The following NDUFA10 variants were observed in gnomAD, a reference collection of about 807,000 sequenced individuals.
NDUFA10 encodes the protein NADH dehydrogenase [ubiquinone] 1 alpha subcomplex subunit 10, mitochondrial.
Under a neutral mutation model 47.8 loss-of-function variants are expected in NDUFA10, and 40 were observed. That is an observed-to-expected ratio of 0.84 (90% CI 0.65 to 1.09). NDUFA10 has a LOEUF of 1.09. Among genes scored for constraint, NDUFA10 ranks in the 50% least tolerant of loss-of-function variants. NDUFA10 has a pLI of 0.00. For missense variants in NDUFA10, 413 were observed against 451.1 expected (o/e 0.92, Z 0.76); for synonymous variants, 183 against 172.2 (o/e 1.06, Z -0.49).
At chr2:239,914,892 C>T (rs1693823271) in intron 4 of NDUFA10, among the ~76,000 whole-genome samples, 1 of 147,668 alleles carries the variant, frequency 6.8e-6, no homozygotes, top group African/African-American at 2.6e-5. Context: ...CAAACATACA[C>T]ACACATACAT....
intron 4 of NDUFA10, among the ~76,000 whole-genome samples, chr2:239,950,440 G>A (rs922843563): frequency 6.6e-6 from 1 of 152,222 alleles, no homozygotes; most frequent in Admixed American, 6.5e-5. Flanking sequence ...CATGACCTTT[G>A]GAAATCTGAG....
chr2:239,944,005 T>C (rs939077037), intron 4 of NDUFA10, among the ~76,000 whole-genome samples: 1 of 152,290 alleles, frequency 6.6e-6, no homozygotes, highest in African/African-American at 2.4e-5. Context: ...GCTCTGCTCC[T>C]TCCTTCCCAT....
chr2:239,898,942 G>A (rs1470630345), intron 4 of NDUFA10, among the ~76,000 whole-genome samples: 1 of 138,906 alleles, frequency 7.2e-6, no homozygotes, highest in Non-Finnish European at 1.6e-5. Context: ...GTGTGACGGA[G>A]GGGTGTGGAG....
rs941186365 is a variant in NDUFA10, at chr2:239,957,573, C to T, written c.*3545G>A. On this transcript the variant is annotated 3_prime_UTR_variant, in exon 10 of 10. Coordinates refer to ENST00000252711, the MANE Select transcript of NDUFA10 (RefSeq NM_004544.4). ...TAAAACTATACATCAATAGTAAAAG[C>T]GAATGAGCAAACTTACTCACATGCT... is the stretch of plus-strand genomic sequence containing the variant. The T allele has an allele frequency of 6.6e-5, 10 of 152,272 alleles. 1 individual carries two copies. Among genetic ancestry groups the T allele is most frequent in the African/African-American group, 2.2e-4 (9 of 41,544 alleles). 9.4% of individuals were successfully genotyped at this position (152,272 alleles called of 1,614,324 possible).
At chr2:239,923,397 TA>T (rs113271048) in intron 4 of NDUFA10, among the ~76,000 whole-genome samples, 132 of 151,940 alleles carry the variant, frequency 8.7e-4, no homozygotes, top group Middle Eastern at 3.4e-3. Context: ...TCCTGGTTCA[TA>T]AAAAAAACTG....
Position 239,961,216 on chromosome 2 carries a change from T to C in NDUFA10, c.1000-30A>G, listed in dbSNP as rs1220016625. On this transcript the variant is annotated intron_variant, in intron 9 of 9. Coordinates refer to ENST00000252711, the MANE Select transcript of NDUFA10 (RefSeq NM_004544.4). ...GGGGGAAAAAGGCATTGGTGCATTC[T>C]GTTTAACGTGAATGAATGTTTCCCC... 2.5e-6 allele frequency: 4 copies of C among 1,613,970 alleles called. No individual in the cohort carries two copies. In the African/African-American group the frequency reaches 5.3e-5, roughly 22 times the overall value.
chr2:239,949,550 G>T (rs1694517968), intron 4 of NDUFA10, among the ~76,000 whole-genome samples: 1 of 152,222 alleles, frequency 6.6e-6, no homozygotes, highest in African/African-American at 2.4e-5. Flanking sequence ...TTAGAGACAA[G>T]GTCTTCTCTG....
At chr2:239,914,419 A>C (rs530328510) in intron 4 of NDUFA10, among the ~76,000 whole-genome samples, 1 of 141,962 alleles carries the variant, frequency 7.0e-6, no homozygotes, top group Non-Finnish European at 1.5e-5. Context: ...ACAAATATAC[A>C]GACACACACA....
intron 1 of NDUFA10, among the ~76,000 whole-genome samples, chr2:240,022,936 T>G (rs1697692928): frequency 6.6e-6 from 1 of 152,090 alleles, no homozygotes; most frequent in Non-Finnish European, 1.5e-5. Context: ...AGAGAGCAAA[T>G]TTGAGTGTCG....
intron 7 of NDUFA10, 107 bp from the exon 8 acceptor site, chr2:240,005,402 G>C: frequency 2.3e-6 from 2 of 879,676 alleles, no homozygotes; most frequent in Non-Finnish European, 3.7e-6. Context: ...AGGCTGGAAA[G>C]TAGTGGCACA....
chr2:239,923,926 C>A (rs1364933774), intron 4 of NDUFA10, among the ~76,000 whole-genome samples: 1 of 152,090 alleles, frequency 6.6e-6, no homozygotes, highest in Non-Finnish European at 1.5e-5. Context: ...GATATTACTA[C>A]AGACCCTGCA....
intron 5 of NDUFA10, chr2:240,012,936 A>G (rs1211513003): frequency 2.0e-5 from 3 of 152,212 alleles, no homozygotes; most frequent in Non-Finnish European, 4.4e-5. Context: ...GTATTAGAGG[A>G]GTGAGTGAAA....
chr2:239,958,034 CA>C lies in NDUFA10; in HGVS notation c.*3083del, dbSNP rs1694707930. On this transcript the variant is annotated 3_prime_UTR_variant, in exon 10 of 10. Coordinates refer to ENST00000252711, the MANE Select transcript of NDUFA10 (RefSeq NM_004544.4). The stretch of plus-strand genomic sequence containing the variant: ...TTTCTGGCTCATGATTTTCCTAAAG[CA>C]AAGCCTCAGGCTCCCGGCTTCTATT... The C allele has an allele frequency of 6.6e-6, 1 of 152,208 alleles. No homozygotes were observed. Among genetic ancestry groups the C allele is most frequent in the African/African-American group, 2.4e-5 (1 of 41,454 alleles). 9.4% of individuals were successfully genotyped at this position (152,208 alleles called of 1,614,324 possible).
chr2:239,992,224 CTGAT>C (rs1316410508), intron 8 of NDUFA10, among the ~76,000 whole-genome samples: 1 of 152,138 alleles, frequency 6.6e-6, no homozygotes, highest in African/African-American at 2.4e-5. Context: ...GAATTCAAAA[CTGAT>C]TGAGGATAAT....
chr2:240,010,383 A>G, intron 6 of NDUFA10, among the ~76,000 whole-genome samples: 1 of 152,190 alleles, frequency 6.6e-6, no homozygotes, highest in East Asian at 1.9e-4. Flanking sequence ...GAAACCAGCC[A>G]TTATTTTGCT....
intron 4 of NDUFA10, among the ~76,000 whole-genome samples, chr2:239,952,262 G>C (rs952359129): frequency 6.0e-5 from 9 of 149,890 alleles, no homozygotes; most frequent in African/African-American, 2.2e-4. Flanking sequence ...CTGGCAGGGT[G>C]GGGGCCAAAG....
intron 4 of NDUFA10, among the ~76,000 whole-genome samples, chr2:239,916,609 A>G (rs1264288231): frequency 1.3e-5 from 2 of 152,240 alleles, no homozygotes; most frequent in Non-Finnish European, 2.9e-5. Flanking sequence ...AGTGATAAAG[A>G]GCAAACATTT....
At chr2:239,893,968 C>A (rs901019830) in intron 5 of NDUFA10, among the ~76,000 whole-genome samples, 3 of 150,256 alleles carry the variant, frequency 2.0e-5, no homozygotes, top group Admixed American at 1.3e-4. Context: ...TCCATCCCAG[C>A]CTCATTCCTT....
chr2:240,024,230 TTCAATTGCTGAATGAATTGA>T (rs1574905967), intron 1 of NDUFA10, among the ~76,000 whole-genome samples: 1 of 152,370 alleles, frequency 6.6e-6, no homozygotes. Context: ...CAAGATGCCC[TTCAATTGCTGAATGAATTGA>T]AGTACATCCA....
Sources: gnomAD v4.1 joint callset for allele counts (sites outside exome capture counted in the v4.1 genomes callset) on GRCh38, gnomAD v4.1.1 for gene constraint, MANE v1.5 for transcripts, NCBI Gene and HGNC (gene_info 2026-07-23, HGNC 2026-07-21) for gene names.